The following SENP5 variants were observed in gnomAD, a reference collection of about 807,000 sequenced individuals.
The protein encoded by SENP5 is sentrin-specific protease 5.
A neutral mutation model predicts 74.2 loss-of-function variants in SENP5; 21 were observed. That is an observed-to-expected ratio of 0.28 (90% CI 0.20 to 0.41). The LOEUF is 0.41. Among genes scored for constraint, SENP5 ranks in the 10% least tolerant of loss-of-function variants. The pLI is 1.00. For missense variants in SENP5, 717 were observed against 889.1 expected, an observed-to-expected ratio of 0.81 and a Z score of 2.46; for synonymous variants, 311 against 312.7, an observed-to-expected ratio of 0.99 and a Z score of 0.06.
intron 6 of SENP5, among the ~76,000 whole-genome samples, chr3:196,917,682 C>A (rs551892866): frequency 2.6e-5 from 4 of 152,080 alleles, no homozygotes; most frequent in Non-Finnish European, 5.9e-5. Context: ...AGGAAAAAAA[C>A]GTTTATCCTA....
chr3:196,923,732 C>T (rs1455176698), intron 7 of SENP5, among the ~76,000 whole-genome samples, 181 bp downstream of exon 7: 2 of 152,186 alleles, frequency 1.3e-5, no homozygotes, highest in African/African-American at 4.8e-5. Context: ...GAGGATCTGT[C>T]TAGGATCCAG....
rs371984207 is a variant in SENP5 at position 196,899,884 on chromosome 3, TG to T, written c.1620-39del. The T allele has an allele frequency of 9.6e-5, 154 of 1,604,770 alleles. No homozygotes were observed. The African/African-American group carries it at 1.3e-3, about 13-fold the overall frequency. ...TTAGCAGTAAATTGAGAAGTACTCA[TG>T]TTTTTTTTACCTTTTGTTTCAAAAT... On this transcript the variant is annotated intron_variant, in intron 3 of 9. Coordinates refer to ENST00000323460, the MANE Select transcript of SENP5 (RefSeq NM_152699.5).
At chr3:196,882,774 GATTACA>G (rs1414816564) in intron 1 of SENP5, among the ~76,000 whole-genome samples, 4 of 152,218 alleles carry the variant, frequency 2.6e-5, no homozygotes, top group African/African-American at 9.7e-5. Context: ...GAAGTATTGG[GATTACA>G]GGCGTGAGCC....
chr3:196,906,186 C>T (rs1204172423), intron 6 of SENP5, among the ~76,000 whole-genome samples: 1 of 152,028 alleles, frequency 6.6e-6, no homozygotes, highest in African/African-American at 2.4e-5. Flanking sequence ...CACCACTGCA[C>T]TCCAGCCTGG....
intron 1 of SENP5, among the ~76,000 whole-genome samples, chr3:196,882,919 T>C (rs1286229562): frequency 7.9e-6 from 1 of 127,314 alleles, no homozygotes; most frequent in Non-Finnish European, 1.6e-5. Flanking sequence ...AATATCTGTA[T>C]CTTTATGGAT....
At chr3:196,923,965 G>C (rs1715719821) in intron 7 of SENP5, among the ~76,000 whole-genome samples, 1 of 152,216 alleles carries the variant, frequency 6.6e-6, no homozygotes, top group Admixed American at 6.5e-5. Context: ...CAAGAAAAAT[G>C]AGTAGGTTTC....
rs900350975 is a variant in SENP5, at chr3:196,868,265, G to T, written c.-32+192G>T. On this transcript the variant is annotated intron_variant, in intron 1 of 9. Transcript: ENST00000323460. ...CTTTCCGGGGGAGGCGAGCGAGCTC[G>T]TCCCGAGGGGCCGCTGCCCTGCGCT... Among the ~76,000 whole-genome samples, 6 of 152,238 alleles carry T rather than the reference G, an allele frequency of 3.9e-5. No homozygotes were observed. In the East Asian group the frequency reaches 1.2e-3, roughly 29 times the overall value.
At chr3:196,929,420 A>T in intron 8 of SENP5, 1 of 483,126 alleles carries the variant, frequency 2.1e-6, no homozygotes, top group Non-Finnish European at 3.6e-6. Flanking sequence ...TTTAGGTAAA[A>T]CATTGTCCTA....
chr3:196,872,823 G>A (rs1418239037), intron 1 of SENP5, among the ~76,000 whole-genome samples: 1 of 152,196 alleles, frequency 6.6e-6, no homozygotes, highest in Non-Finnish European at 1.5e-5. Flanking sequence ...GAATATTTCT[G>A]TCATTGCAGA....
intron 1 of SENP5, among the ~76,000 whole-genome samples, chr3:196,869,844 CTTTTT>C (rs10559181): frequency 7.6e-6 from 1 of 131,436 alleles, no homozygotes; most frequent in African/African-American, 2.8e-5. Context: ...CTAAATCAGC[CTTTTT>C]TTTTTTTTTT....
chr3:196,883,299 A>C (rs754807241), intron 1 of SENP5, among the ~76,000 whole-genome samples: 2 of 152,086 alleles, frequency 1.3e-5, no homozygotes, highest in African/African-American at 4.8e-5. Context: ...GACATCCCCA[A>C]ATATCACTAT....
intron 6 of SENP5, among the ~76,000 whole-genome samples, chr3:196,909,350 C>G (rs534269689): frequency 6.6e-6 from 1 of 152,326 alleles, no homozygotes; most frequent in Non-Finnish European, 1.5e-5. Context: ...GGAGCTGATA[C>G]CATTCCTTCT....
At chr3:196,891,868 G>A (rs1029056955) in intron 2 of SENP5, among the ~76,000 whole-genome samples, 1 of 151,732 alleles carries the variant, frequency 6.6e-6, no homozygotes, top group Non-Finnish European at 1.5e-5. Context: ...TTTGCTTACT[G>A]CAACCTCTGC....
chr3:196,923,446 T>A lies in SENP5; in HGVS notation c.1917T>A (p.Ile639=). The A allele has an allele frequency of 6.2e-7, 1 of 1,612,284 alleles. No homozygotes were observed. Among genetic ancestry groups the A allele is most frequent in the South Asian group, 1.1e-5 (1 of 90,610 alleles). The change falls in exon 7 of 10, where the codon ATT becomes ATA. Residue 639 remains isoleucine (I), a synonymous_variant. Transcript: ENST00000323460. ...TGTTTAAAAAGAGTCTTCTGTTGAT[T>A]CCTATTCACCTGGAAGTCCACTGGT... The part of the protein sequence containing the change: ...VDLFKKSLLL[I]PIHLEVHWSL...
rs926849044 is a variant in SENP5, at chr3:196,930,991, C to T, written c.*68C>T. 67 of 957,868 alleles carry T rather than the reference C, an allele frequency of 7.0e-5. No homozygotes were observed. In the African/African-American group the frequency reaches 9.9e-4, roughly 14 times the overall value. The allele number at this position is 957,868 out of a possible 1,614,324, so 59.3% of individuals were successfully genotyped here. On this transcript the variant is annotated 3_prime_UTR_variant, in exon 10 of 10. Transcript: ENST00000323460. ...ATGGTTTGTTACTTGAATCTCCAAA[C>T]ACTTAGTTGAATTTTTACAGATATT...
chr3:196,929,272 T>TA (rs1252288220), intron 8 of SENP5: 3 of 218,794 alleles, frequency 1.4e-5, no homozygotes, highest in Non-Finnish European at 2.7e-5. Flanking sequence ...GTCGCCATCC[T>TA]AGCATCCAGA....
chr3:196,918,688 C>G (rs73080415), intron 6 of SENP5, among the ~76,000 whole-genome samples: 5,073 of 152,070 alleles, frequency 0.033, 295 homozygotes, highest in African/African-American at 0.12. Context: ...TGTAAATGGA[C>G]TAAAGTCTCT....
chr3:196,919,818 G>T (rs1577843063), intron 6 of SENP5, among the ~76,000 whole-genome samples: 1 of 151,590 alleles, frequency 6.6e-6, no homozygotes, highest in South Asian at 2.1e-4. Context: ...GAGGGATCAA[G>T]ATTTTTTTTT....
chr3:196,930,322 G>C (rs905287311), intron 9 of SENP5, among the ~76,000 whole-genome samples: 1 of 152,222 alleles, frequency 6.6e-6, no homozygotes, highest in Non-Finnish European at 1.5e-5. Context: ...GGGAGGAATT[G>C]AGGCCTTTTC....
Sources: gnomAD v4.1 joint callset for allele counts (sites outside exome capture counted in the v4.1 genomes callset) on GRCh38, gnomAD v4.1.1 for gene constraint, MANE v1.5 for transcripts, NCBI Gene and HGNC (gene_info 2026-07-23, HGNC 2026-07-21) for gene names.